Variants in SWT1 observed in about 807,000 individuals in gnomAD.
The protein encoded by SWT1 is transcriptional protein SWT1.
Under a neutral mutation model 107.3 loss-of-function variants are expected in SWT1, and 33 were observed. The ratio of observed to expected loss-of-function variants is 0.31; its 90% CI spans 0.23 to 0.41. The LOEUF (loss-of-function observed/expected upper bound fraction) is 0.41. SWT1 is among the 10% of genes least tolerant of loss of function. The pLI, the probability that SWT1 is intolerant of heterozygous loss-of-function variation, is 1.00. For missense variants in SWT1, 898 were observed against 1,028.9 expected (o/e 0.87, Z 1.74); for synonymous variants, 345 against 348.3 (o/e 0.99, Z 0.11).
At chr1:185,176,649 A>G in intron 5 of SWT1, 1 of 985,408 alleles carries the variant, frequency 1.0e-6, no homozygotes, top group South Asian at 4.7e-5. Context: ...GAGACCACTG[A>G]TAAACAGGGA....
chr1:185,222,699 A>G (rs1347137971), intron 15 of SWT1, among the ~76,000 whole-genome samples: 1 of 130,172 alleles, frequency 7.7e-6, no homozygotes, highest in Non-Finnish European at 1.6e-5. Flanking sequence ...TGGAAGGTGG[A>G]GGTTGCGGTG....
intron 13 of SWT1, among the ~76,000 whole-genome samples, chr1:185,208,621 GT>G (rs1361362499): frequency 6.6e-6 from 1 of 151,982 alleles, no homozygotes; most frequent in Non-Finnish European, 1.5e-5. Context: ...CCATAAATAT[GT>G]ACAATTATTA....
intron 18 of SWT1, chr1:185,281,498 G>A: frequency 5.3e-6 from 1 of 188,510 alleles, no homozygotes; most frequent in South Asian, 1.0e-4. Flanking sequence ...GGTAAAAGTA[G>A]CGACAGGCAA....
intron 7 of SWT1, among the ~76,000 whole-genome samples, chr1:185,183,874 T>C (rs1656232388): frequency 6.6e-6 from 1 of 152,220 alleles, no homozygotes; most frequent in Non-Finnish European, 1.5e-5. Context: ...CTCAAAAACA[T>C]TCTCCATGGC....
chr1:185,202,595 C>T (rs1571491506), intron 10 of SWT1, 59 bp from the exon 11 acceptor site: 21 of 1,446,834 alleles, frequency 1.5e-5, no homozygotes, highest in African/African-American at 8.5e-5. Context: ...TTTGATTTGC[C>T]ATGTGGTTTA....
intron 16 of SWT1, chr1:185,251,481 G>T (rs986629303): frequency 2.6e-5 from 4 of 152,058 alleles, no homozygotes; most frequent in African/African-American, 9.7e-5. Flanking sequence ...TCAGTTTTAT[G>T]ATTTATGTTA....
intron 16 of SWT1, among the ~76,000 whole-genome samples, chr1:185,268,367 T>C (rs555262485): frequency 1.4e-4 from 21 of 152,218 alleles, no homozygotes; most frequent in Non-Finnish European, 3.1e-4. Flanking sequence ...GTTTCTTAAT[T>C]TGTTTACAAG....
chr1:185,251,514 G>A (rs1325717425), intron 16 of SWT1: 1 of 151,900 alleles, frequency 6.6e-6, no homozygotes, highest in African/African-American at 2.4e-5. Flanking sequence ...TGTAATTGTG[G>A]GATTTTCAAT....
intron 16 of SWT1, among the ~76,000 whole-genome samples, chr1:185,255,339 G>A (rs544608558): frequency 6.8e-6 from 1 of 146,582 alleles, no homozygotes; most frequent in East Asian, 2.0e-4. Context: ...TATCCTTGTT[G>A]ACTTTCTGTC....
At chr1:185,251,999 G>T (rs922092409) in intron 16 of SWT1, among the ~76,000 whole-genome samples, 12 of 150,554 alleles carry the variant, frequency 8.0e-5, no homozygotes, top group Non-Finnish European at 1.6e-4. Context: ...CTGTGTCCAT[G>T]TGATCTCATT....
rs139469576 is a variant in SWT1 at position 185,220,746 on chromosome 1, A to G, written c.2122-1103A>G. ...AAGCAGCCTCTCTTCTTAGCTTTAC[A>G]ACAAGAGGCCATAAAATTTGGAAAC... On this transcript the variant is annotated intron_variant, in intron 14 of 18. Transcript: ENST00000367500. Among the ~76,000 whole-genome samples the G allele has an allele frequency of 5.8e-3, 883 of 152,334 alleles. 8 individuals are homozygous for G. The highest frequency in any genetic ancestry group is 0.02 in the African/African-American group (849 of 41,574).
At chr1:185,260,751 CAA>C (rs779829992) in intron 16 of SWT1, among the ~76,000 whole-genome samples, 10 of 152,050 alleles carry the variant, frequency 6.6e-5, no homozygotes, top group African/African-American at 1.9e-4. Flanking sequence ...CTTGGAAAAA[CAA>C]AGAGTCAAGT....
chr1:185,173,783 G>A (rs866784948), intron 4 of SWT1, among the ~76,000 whole-genome samples: 2 of 150,722 alleles, frequency 1.3e-5, no homozygotes, highest in Admixed American at 6.6e-5. Flanking sequence ...TTGGGAGGCC[G>A]AGGCAAGTGG....
At chr1:185,284,702 G>A (rs1179192444) in intron 18 of SWT1, among the ~76,000 whole-genome samples, 2 of 152,152 alleles carry the variant, frequency 1.3e-5, no homozygotes, top group East Asian at 1.9e-4. Context: ...GAATTAGAGG[G>A]TATGAGTTAG....
chr1:185,182,047 T>G lies in SWT1; in HGVS notation c.1128T>G (p.His376Gln), dbSNP rs200048263. The G allele has an allele frequency of 2.4e-5, 39 of 1,612,316 alleles. No homozygotes were observed. The highest frequency in any genetic ancestry group is 2.4e-4 in the South Asian group (22 of 91,034). ...SMEIDLEDDV[H>Q]SSSANNTSDR... ...AAATTGACTTAGAAGATGATGTACA[T>G]TCCTCCTCTGGTATACCCTATATGT... The change falls in exon 7 of 19, where the codon CAT becomes CAG. Residue 376 changes from histidine (H) to glutamine (Q), a missense_variant. His to Gln is a conservative substitution (Grantham distance 24). This residue lies in a region of SWT1 where 94 missense variants were observed against 114.5 expected (regional missense o/e 0.82). Transcript: ENST00000367500.
In SWT1 at chr1:185,204,715, A is replaced by G; in HGVS notation, c.1685A>G (p.Lys562Arg). 1 of 1,578,928 alleles carries G rather than the reference A, an allele frequency of 6.3e-7. No homozygotes were observed. The highest frequency in any genetic ancestry group is 8.6e-7 in the Non-Finnish European group (1 of 1,167,342). ...TGTTTTAAAGAAACAACACCCTTGA[A>G]AGAGAGCTATAAGGAGGAATCTACA... is the stretch of plus-strand genomic sequence containing the variant. ...QQLKAETTPLKESYKEESTNS... is the reference protein window; with the variant it reads ...QQLKAETTPLRESYKEESTNS... Residue 562 changes from lysine (K) to arginine (R), a missense_variant, in exon 12 of 19, where the codon AAA becomes AGA. This residue lies in a region of SWT1 where 382 missense variants were observed against 460.0 expected (regional missense o/e 0.83). Coordinates refer to ENST00000367500, the MANE Select transcript of SWT1 (RefSeq NM_017673.7).
intron 18 of SWT1, among the ~76,000 whole-genome samples, chr1:185,285,388 C>T (rs1664888372): frequency 6.6e-6 from 1 of 152,126 alleles, no homozygotes; most frequent in South Asian, 2.1e-4. Context: ...TTTGCCTTGT[C>T]CTTATTAACC....
At chr1:185,178,757 T>C (rs1386452405) in intron 5 of SWT1, among the ~76,000 whole-genome samples, 2 of 152,004 alleles carry the variant, frequency 1.3e-5, no homozygotes, top group African/African-American at 4.8e-5. Flanking sequence ...AAGAGAACTT[T>C]AAAGATCAGT....
intron 2 of SWT1, among the ~76,000 whole-genome samples, chr1:185,166,315 T>C (rs1209572351): frequency 6.6e-6 from 1 of 152,226 alleles, no homozygotes; most frequent in South Asian, 2.1e-4. Flanking sequence ...AACAACCTTA[T>C]CTGAGCTGTC....
Sources: gnomAD v4.1 joint callset for allele counts (sites outside exome capture counted in the v4.1 genomes callset) on GRCh38, gnomAD v4.1.1 for gene constraint, gnomAD v4.1.1 regional missense constraint, MANE v1.5 for transcripts, NCBI Gene and HGNC (gene_info 2026-07-23, HGNC 2026-07-21) for gene names.